The following SLA2 variants were observed in gnomAD, a reference collection of about 807,000 sequenced individuals.
The protein encoded by SLA2 is Src like adaptor 2.
Under a neutral mutation model 27.3 loss-of-function variants are expected in SLA2, and 22 were observed. The ratio of observed to expected loss-of-function variants is 0.81; its 90% confidence interval spans 0.58 to 1.15. SLA2 has a LOEUF of 1.15. Among genes scored for constraint, SLA2 ranks in the 50% most tolerant of loss-of-function variants. SLA2 has a pLI of 0.00. For missense variants in SLA2, 304 were observed against 322.2 expected (o/e 0.94, Z 0.43); for synonymous variants, 131 against 137.8 (o/e 0.95, Z 0.34).
At chr20:36,642,778 T>C (rs900487104) in intron 1 of SLA2, among the ~76,000 whole-genome samples, 1 of 151,946 alleles carries the variant, frequency 6.6e-6, no homozygotes, top group Non-Finnish European at 1.5e-5. Flanking sequence ...AGAGATGGGG[T>C]CTCCCCATAT....
chr20:36,616,332 CTTTTTT>C, intron 5 of SLA2, among the ~76,000 whole-genome samples: 1 of 132,028 alleles, frequency 7.6e-6, no homozygotes, highest in African/African-American at 2.8e-5. Context: ...TTTTAATTTT[CTTTTTT>C]TTTTTTTTTG....
At chr20:36,630,847 G>A (rs2039386871) in intron 5 of SLA2, among the ~76,000 whole-genome samples, 1 of 152,182 alleles carries the variant, frequency 6.6e-6, no homozygotes, top group Non-Finnish European at 1.5e-5. Context: ...TGGGGTGGGA[G>A]AAGCCCCACA....
At chr20:36,627,767 G>T (rs2039354375) in intron 5 of SLA2, among the ~76,000 whole-genome samples, 1 of 152,142 alleles carries the variant, frequency 6.6e-6, no homozygotes, top group Non-Finnish European at 1.5e-5. Flanking sequence ...GCTGTCCCGA[G>T]GCCTATCATA....
chr20:36,638,192 CTTTT>C (rs1176730848), intron 2 of SLA2, among the ~76,000 whole-genome samples: 4 of 150,852 alleles, frequency 2.7e-5, no homozygotes, highest in Admixed American at 2.0e-4. Context: ...CTGAAGTTTG[CTTTT>C]TTTTTAGTCA....
chr20:36,638,578 C>T (rs530398361), intron 2 of SLA2, among the ~76,000 whole-genome samples: 146 of 152,322 alleles, frequency 9.6e-4, no homozygotes, highest in Middle Eastern at 6.8e-3. Context: ...ATCCACCTGC[C>T]TCAGCCTTCC....
At chr20:36,643,401 C>A (rs1219606829) in intron 1 of SLA2, among the ~76,000 whole-genome samples, 1 of 152,212 alleles carries the variant, frequency 6.6e-6, no homozygotes, top group Non-Finnish European at 1.5e-5. Context: ...GTGTCAGGCA[C>A]CTGCCAAGGA....
rs572259820 is a variant in SLA2, at chr20:36,619,732, G to A, written c.383-4358C>T. 5.3e-5 allele frequency among the ~76,000 whole-genome samples: 8 copies of A among 149,652 alleles called. No homozygotes were observed. The East Asian group carries it at 1.3e-3, about 24-fold the overall frequency. ...TGCAAGCTCTGCCTCCTGGGTTCAC[G>A]CCATTCTCCTGTCTCAGCCTCCCAA... On this transcript the variant is annotated intron_variant, in intron 5 of 7. Transcript: ENST00000262866.
Position 36,613,356 on chromosome 20 carries a change from T to A in SLA2, c.*510A>T, listed in dbSNP as rs927898615. On this transcript the variant is annotated 3_prime_UTR_variant, in exon 8 of 8. Transcript: ENST00000262866. The stretch of plus-strand genomic sequence containing the variant: ...CAAGATCTGCTGCTACGGTAAGACA[T>A]CATCTCAGCTTTCCTTTCCCTTCTA... The A allele has an allele frequency of 6.5e-6, 1 of 153,302 alleles. No homozygotes were observed. The highest frequency in any genetic ancestry group is 1.5e-5 in the Non-Finnish European group (1 of 68,878). The allele number at this position is 153,302 out of a possible 1,614,324, so 9.5% of individuals were successfully genotyped here.
chr20:36,618,009 T>TGGTGGCGGGCGC (rs2039234457), intron 5 of SLA2, among the ~76,000 whole-genome samples: 1 of 149,560 alleles, frequency 6.7e-6, no homozygotes, highest in Non-Finnish European at 1.5e-5. Context: ...TAGCCGGGCG[T>TGGTGGCGGGCGC]GGTGGCGGGC....
At chr20:36,638,967 C>T (rs1026226883) in intron 2 of SLA2, among the ~76,000 whole-genome samples, 10 of 152,174 alleles carry the variant, frequency 6.6e-5, no homozygotes, top group African/African-American at 2.4e-4. Context: ...CTGCCTCAGC[C>T]TCCCAAGTAG....
intron 5 of SLA2, among the ~76,000 whole-genome samples, chr20:36,619,724 G>C (rs915349814): frequency 6.7e-6 from 1 of 149,666 alleles, no homozygotes; most frequent in Admixed American, 6.6e-5. Flanking sequence ...TCTGCCTCCT[G>C]GGTTCACGCC....
chr20:36,643,043 G>A (rs1252031775), intron 1 of SLA2, among the ~76,000 whole-genome samples: 1 of 152,182 alleles, frequency 6.6e-6, no homozygotes. Context: ...ATTCATTTGA[G>A]AGTTTACTTG....
At position 36,639,515 on chromosome 20, in the gene SLA2, G is replaced by A. The variant is rs6093194; in HGVS notation, c.91+1730C>T. Among the ~76,000 whole-genome samples, 941 of 152,126 alleles carry A rather than the reference G, an allele frequency of 6.2e-3. 9 individuals are homozygous for A. The highest frequency in any genetic ancestry group is 0.021 in the African/African-American group (885 of 41,504). ...TGAGAAAGGATTTGTGGTCTGTTTT[G>A]GGAGAAGAAGAAACAGACCTGGGGC... On this transcript the variant is annotated intron_variant, in intron 2 of 7. Coordinates refer to ENST00000262866, the MANE Select transcript of SLA2 (RefSeq NM_032214.4).
chr20:36,643,951 C>A (rs138161922), intron 1 of SLA2, among the ~76,000 whole-genome samples: 2 of 151,850 alleles, frequency 1.3e-5, no homozygotes, highest in East Asian at 3.9e-4. Flanking sequence ...GACTCTGTAC[C>A]CCCCTCCCGC....
At position 36,612,697 on chromosome 20, in the gene SLA2, C is replaced by CTGTT. The variant is rs1367704021; in HGVS notation, c.*1165_*1168dup. The stretch of plus-strand genomic sequence containing the variant: ...CTTAGCGGATCCAGCAGACCTCTTT[C>CTGTT]TGTTTATGGAGGCAGCAGGGAAATC... On this transcript the variant is annotated 3_prime_UTR_variant, in exon 8 of 8. Transcript: ENST00000262866. 5 of 215,302 alleles carry CTGTT rather than the reference C, an allele frequency of 2.3e-5. No individual in the cohort carries two copies. The highest frequency in any genetic ancestry group is 4.8e-5 in the Non-Finnish European group (5 of 104,854). 13.3% of individuals were successfully genotyped at this position (215,302 alleles called of 1,614,324 possible). A position where few individuals can be genotyped will look rare whatever the true frequency, so the allele number is the denominator to read the frequency against.
intron 2 of SLA2, among the ~76,000 whole-genome samples, chr20:36,640,505 C>CTTT (rs1162794643): frequency 1.5e-5 from 2 of 133,276 alleles, no homozygotes; most frequent in Admixed American, 7.6e-5. Context: ...GATGAAAGAC[C>CTTT]TTTTTTTTTT....
At chr20:36,621,044 GA>G in intron 5 of SLA2, 1 of 351,632 alleles carries the variant, frequency 2.8e-6, no homozygotes. Flanking sequence ...AACTTTGGTG[GA>G]AGAGAAGACT....
intron 1 of SLA2, among the ~76,000 whole-genome samples, chr20:36,642,547 A>G (rs370931706): frequency 6.7e-6 from 1 of 149,744 alleles, no homozygotes; most frequent in African/African-American, 2.5e-5. Flanking sequence ...GGGATTACAG[A>G]CATTAGCCAC....
chr20:36,619,215 T>TG (rs754928522), intron 5 of SLA2, among the ~76,000 whole-genome samples: 155 of 83,282 alleles, frequency 1.9e-3, no homozygotes, highest in Non-Finnish European at 2.3e-3. Flanking sequence ...AGTGAGACTC[T>TG]GGGGGAAAAA....
Sources: gnomAD v4.1 joint callset for allele counts (sites outside exome capture counted in the v4.1 genomes callset) on GRCh38, gnomAD v4.1.1 for gene constraint, MANE v1.5 for transcripts, NCBI Gene and HGNC (gene_info 2026-07-23, HGNC 2026-07-21) for gene names.